The following LGR5 variants were observed in gnomAD, a reference collection of about 807,000 sequenced individuals.
LGR5 encodes leucine rich repeat containing G protein-coupled receptor 5.
A neutral mutation model predicts 76.7 loss-of-function variants in LGR5; 54 were observed. That is an observed-to-expected ratio of 0.70 (90% CI 0.57 to 0.88). LGR5 has a LOEUF of 0.88. LGR5 is among the 40% of genes least tolerant of loss of function. LGR5 has a pLI of 0.00. For missense variants in LGR5, 1,078 were observed against 1,073.3 expected (o/e 1.00, Z -0.06); for synonymous variants, 406 against 421.9 (o/e 0.96, Z 0.46).
chr12:71,495,451 G>A (rs902331358), intron 1 of LGR5, among the ~76,000 whole-genome samples: 1 of 151,312 alleles, frequency 6.6e-6, no homozygotes, highest in Non-Finnish European at 1.5e-5. Flanking sequence ...TATCTGCAGT[G>A]TGACCCCAGT....
chr12:71,449,307 A>G (rs1872154793), intron 1 of LGR5, among the ~76,000 whole-genome samples: 1 of 152,202 alleles, frequency 6.6e-6, no homozygotes, highest in African/African-American at 2.4e-5. Context: ...AAGCTACATT[A>G]CTGTTCCTGT....
chr12:71,482,013 T>G (rs66888341), intron 1 of LGR5, among the ~76,000 whole-genome samples: 5 of 152,066 alleles, frequency 3.3e-5, no homozygotes, highest in Non-Finnish European at 7.4e-5. Flanking sequence ...TATAAAGTAA[T>G]GAAATTATCT....
At chr12:71,486,110 A>T (rs1873814668) in intron 1 of LGR5, among the ~76,000 whole-genome samples, 1 of 151,926 alleles carries the variant, frequency 6.6e-6, no homozygotes, top group Non-Finnish European at 1.5e-5. Context: ...TTGTTCAACA[A>T]TTTTTCAGGC....
intron 4 of LGR5, among the ~76,000 whole-genome samples, chr12:71,551,083 C>T (rs1303253907): frequency 6.6e-6 from 1 of 152,186 alleles, no homozygotes; most frequent in Non-Finnish European, 1.5e-5. Flanking sequence ...CTGTTGCTGA[C>T]AATGATAGTT....
rs1879271221 is a variant in LGR5 at position 71,585,210 on chromosome 12, T to C, written c.*476T>C. On this transcript the variant is annotated 3_prime_UTR_variant, in exon 18 of 18. Transcript: ENST00000266674. ...GAGGCTGTGATCCATGGGATTTCAT[T>C]CTAATGACCATGTGAAGATGTTTGA... is the stretch of plus-strand genomic sequence containing the variant. 6.4e-6 allele frequency: 1 copy of C among 156,110 alleles called. No homozygotes were observed. The highest frequency in any genetic ancestry group is 1.4e-5 in the Non-Finnish European group (1 of 70,458). The allele number at this position is 156,110 out of a possible 1,614,324, so 9.7% of individuals were successfully genotyped here.
intron 1 of LGR5, among the ~76,000 whole-genome samples, chr12:71,451,186 A>G (rs1422215071): frequency 6.6e-6 from 1 of 152,206 alleles, no homozygotes; most frequent in Non-Finnish European, 1.5e-5. Flanking sequence ...AGTGGGGTGC[A>G]GATCAGATGG....
chr12:71,518,071 C>T (rs1416029515), intron 2 of LGR5, among the ~76,000 whole-genome samples: 1 of 152,040 alleles, frequency 6.6e-6, no homozygotes, highest in African/African-American at 2.4e-5. Context: ...GTCTATTCTC[C>T]CCTTTAAAAG....
At chr12:71,470,537 CAT>C (rs1342397043) in intron 1 of LGR5, among the ~76,000 whole-genome samples, 6 of 151,964 alleles carry the variant, frequency 3.9e-5, no homozygotes. Context: ...TACATACACA[CAT>C]ATATGTCTTT....
intron 4 of LGR5, among the ~76,000 whole-genome samples, chr12:71,541,980 A>G (rs1565736551): frequency 6.6e-6 from 1 of 152,248 alleles, no homozygotes; most frequent in African/African-American, 2.4e-5. Context: ...CTGTAGACAT[A>G]TAATTGTGAA....
At chr12:71,479,644 T>A (rs1441683144) in intron 1 of LGR5, among the ~76,000 whole-genome samples, 1 of 151,768 alleles carries the variant, frequency 6.6e-6, no homozygotes, top group Non-Finnish European at 1.5e-5. Context: ...TCAAGAGGAC[T>A]TATCTGGGGG....
chr12:71,474,622 G>T (rs1255283501), intron 1 of LGR5, among the ~76,000 whole-genome samples: 1 of 152,122 alleles, frequency 6.6e-6, no homozygotes, highest in African/African-American at 2.4e-5. Context: ...ACTACCATTA[G>T]TAAATATATT....
chr12:71,516,585 C>T (rs1192337615), intron 2 of LGR5, among the ~76,000 whole-genome samples: 1 of 78,308 alleles, frequency 1.3e-5, no homozygotes, highest in Non-Finnish European at 2.6e-5. Context: ...TATACAATTG[C>T]TTTGCTCTCA....
chr12:71,566,008 C>T (rs933549605), intron 8 of LGR5, among the ~76,000 whole-genome samples: 2 of 152,044 alleles, frequency 1.3e-5, no homozygotes, highest in Non-Finnish European at 1.5e-5. Flanking sequence ...CAGTTGATAT[C>T]GATAGATAGA....
At chr12:71,578,758 T>G in intron 14 of LGR5, 46 bp from the exon 15 acceptor site, 2 of 1,524,664 alleles carry the variant, frequency 1.3e-6, no homozygotes, top group Middle Eastern at 1.8e-4. Flanking sequence ...ATAAACGTTT[T>G]ATGCTAACAT....
chr12:71,459,162 A>T (rs1165816596), intron 1 of LGR5, among the ~76,000 whole-genome samples: 2 of 152,122 alleles, frequency 1.3e-5, no homozygotes, highest in Non-Finnish European at 2.9e-5. Flanking sequence ...TCCTCCTGTG[A>T]GATCTGACCT....
intron 1 of LGR5, among the ~76,000 whole-genome samples, chr12:71,469,271 A>C (rs1872989733): frequency 6.6e-6 from 1 of 152,224 alleles, no homozygotes; most frequent in Admixed American, 6.5e-5. Flanking sequence ...TTAAAATATT[A>C]CCCAGTCATA....
chr12:71,445,877 G>C (rs1172800906), intron 1 of LGR5, among the ~76,000 whole-genome samples: 1 of 152,170 alleles, frequency 6.6e-6, no homozygotes, highest in Admixed American at 6.6e-5. Flanking sequence ...TAATGTTTAA[G>C]TCTGGAATTG....
chr12:71,468,537 T>C (rs973625197), intron 1 of LGR5, among the ~76,000 whole-genome samples: 22 of 152,164 alleles, frequency 1.4e-4, no homozygotes, highest in African/African-American at 5.1e-4. Context: ...TAAAGATTAA[T>C]GGGAAAAGCC....
At chr12:71,520,753 A>T (rs1037543487) in intron 2 of LGR5, among the ~76,000 whole-genome samples, 1 of 152,128 alleles carries the variant, frequency 6.6e-6, no homozygotes, top group African/African-American at 2.4e-5. Context: ...GCATTAGGAG[A>T]AATACCTAAT....
Sources: allele counts gnomAD v4.1 joint callset (sites outside exome capture counted in the v4.1 genomes callset), GRCh38; gene constraint gnomAD v4.1.1; transcripts MANE v1.5; gene names NCBI Gene and HGNC (gene_info 2026-07-23, HGNC 2026-07-21).